Variants in ZFHX3 observed in about 807,000 individuals in gnomAD.
The protein encoded by ZFHX3 is zinc finger homeobox 3, also known as zinc finger homeobox protein 3.
In ZFHX3, 42 loss-of-function variants were observed where a neutral mutation model predicts 279.1. That is an observed-to-expected ratio of 0.15 (90% CI 0.12 to 0.19). ZFHX3 has a LOEUF of 0.19. ZFHX3 is among the 10% of genes least tolerant of loss of function. The pLI is 1.00. For missense variants in ZFHX3, 4,981 were observed against 4,754.0 expected (o/e 1.05, Z -1.40); for synonymous variants, 2,293 against 1,957.8 (o/e 1.17, Z -4.52).
intron 5 of ZFHX3, among the ~76,000 whole-genome samples, chr16:73,252,732 A>T (rs2013547422): frequency 1.3e-5 from 2 of 152,000 alleles, no homozygotes; most frequent in African/African-American, 4.8e-5. Flanking sequence ...AAGAAGAGAG[A>T]CGTCAGGACA....
At chr16:73,852,137 G>A (rs1404862508) in intron 1 of ZFHX3, among the ~76,000 whole-genome samples, 4 of 152,190 alleles carry the variant, frequency 2.6e-5, no homozygotes, top group Non-Finnish European at 4.4e-5. Context: ...GAATATAAAT[G>A]GATTTTCCAG....
At chr16:73,135,627 C>T (rs981100023) in intron 6 of ZFHX3, among the ~76,000 whole-genome samples, 3 of 152,100 alleles carry the variant, frequency 2.0e-5, no homozygotes, top group African/African-American at 7.2e-5. Flanking sequence ...CCAAAGAAAA[C>T]ACTATTCTAT....
chr16:72,791,264 T>C (rs2035686689), intron 9 of ZFHX3: 1 of 152,228 alleles, frequency 6.6e-6, no homozygotes. Flanking sequence ...TGACATATAA[T>C]AGATGTTTAA....
intron 6 of ZFHX3, among the ~76,000 whole-genome samples, chr16:73,134,154 G>A (rs950085046): frequency 1.3e-5 from 2 of 152,066 alleles, no homozygotes; most frequent in Non-Finnish European, 2.9e-5. Context: ...CTCACAGATA[G>A]TAAATGGTAG....
At chr16:73,629,615 A>G (rs2052449528) in intron 2 of ZFHX3, among the ~76,000 whole-genome samples, 1 of 152,118 alleles carries the variant, frequency 6.6e-6, no homozygotes, top group Non-Finnish European at 1.5e-5. Context: ...GACAAAAGCA[A>G]ACCCAAATGC....
chr16:73,032,210 G>A (rs1168893173), intron 1 of ZFHX3, among the ~76,000 whole-genome samples: 1 of 152,126 alleles, frequency 6.6e-6, no homozygotes, highest in Non-Finnish European at 1.5e-5. Flanking sequence ...ACTGAGGTGG[G>A]AGGATCGCTT....
intron 2 of ZFHX3, among the ~76,000 whole-genome samples, chr16:73,471,576 G>T (rs183236536): frequency 1.2e-3 from 177 of 152,142 alleles, no homozygotes; most frequent in African/African-American, 4.2e-3. Flanking sequence ...ACCTGGCCAT[G>T]AATCTCTTTC....
At chr16:73,387,927 G>C (rs996248800) in intron 3 of ZFHX3, among the ~76,000 whole-genome samples, 6 of 151,868 alleles carry the variant, frequency 4.0e-5, no homozygotes, top group African/African-American at 1.5e-4. Flanking sequence ...CCTAGTTAAA[G>C]GGATACCAAT....
intron 1 of ZFHX3, among the ~76,000 whole-genome samples, chr16:73,026,913 A>G (rs1290952945): frequency 6.6e-6 from 1 of 152,174 alleles, no homozygotes; most frequent in African/African-American, 2.4e-5. Flanking sequence ...TTGGAGCTAG[A>G]GCCTAGACTA....
intron 1 of ZFHX3, among the ~76,000 whole-genome samples, chr16:73,784,806 T>TACACAC (rs1567409723): frequency 8.0e-4 from 98 of 121,768 alleles, no homozygotes; most frequent in African/African-American, 3.9e-3. Context: ...AATATATATA[T>TACACAC]ATATATATAT....
chr16:73,505,557 GAA>G (rs55981787), intron 2 of ZFHX3, among the ~76,000 whole-genome samples: 7 of 143,972 alleles, frequency 4.9e-5, no homozygotes, highest in East Asian at 2.0e-4. Context: ...CACATTGGAG[GAA>G]AAAAAAAAAA....
chr16:73,614,305 A>G (rs2052276742), intron 2 of ZFHX3, among the ~76,000 whole-genome samples: 1 of 152,212 alleles, frequency 6.6e-6, no homozygotes, highest in African/African-American at 2.4e-5. Context: ...AGGAGTTTGC[A>G]TGTGATATGG....
intron 1 of ZFHX3, among the ~76,000 whole-genome samples, chr16:73,837,522 G>C (rs570564478): frequency 3.9e-5 from 6 of 152,232 alleles, no homozygotes; most frequent in Non-Finnish European, 8.8e-5. Context: ...TTCCCAAAGA[G>C]CTATGCATGC....
intron 5 of ZFHX3, among the ~76,000 whole-genome samples, chr16:73,181,414 C>A (rs1967794120): frequency 6.6e-6 from 1 of 152,122 alleles, no homozygotes; most frequent in South Asian, 2.1e-4. Flanking sequence ...TTTAGAGCCC[C>A]ATGGATTTCT....
chr16:73,742,091 T>A (rs1393273922), intron 1 of ZFHX3, among the ~76,000 whole-genome samples: 1 of 152,200 alleles, frequency 6.6e-6, no homozygotes, highest in Non-Finnish European at 1.5e-5. Context: ...CATAACCACC[T>A]CAAATTTCCA....
At chr16:73,013,270 G>A (rs1218318127) in intron 1 of ZFHX3, among the ~76,000 whole-genome samples, 3 of 152,156 alleles carry the variant, frequency 2.0e-5, no homozygotes, top group African/African-American at 7.2e-5. Context: ...AGGGACCCAT[G>A]TGAAAACTCT....
chr16:73,556,325 G>A (rs2020282027), intron 2 of ZFHX3, among the ~76,000 whole-genome samples: 1 of 152,046 alleles, frequency 6.6e-6, no homozygotes, highest in African/African-American at 2.4e-5. Flanking sequence ...TGGGGAGGGG[G>A]GTGGCGGAAG....
At chr16:73,446,867 T>A (rs917631756) in intron 3 of ZFHX3, among the ~76,000 whole-genome samples, 3 of 152,028 alleles carry the variant, frequency 2.0e-5, no homozygotes, top group African/African-American at 7.2e-5. Context: ...AACCTGCACA[T>A]GTACCCCTGA....
chr16:73,671,052 A>C (rs1167771134), intron 2 of ZFHX3, among the ~76,000 whole-genome samples: 1 of 152,240 alleles, frequency 6.6e-6, no homozygotes, highest in Non-Finnish European at 1.5e-5. Context: ...AGTGTATGGA[A>C]GTGCATGATG....
Sources: allele counts gnomAD v4.1 joint callset (sites outside exome capture counted in the v4.1 genomes callset), GRCh38; gene constraint gnomAD v4.1.1; transcripts MANE v1.5; gene names NCBI Gene and HGNC (gene_info 2026-07-23, HGNC 2026-07-21).